Variants in DHTKD1 observed in about 807,000 individuals in gnomAD.
DHTKD1 encodes the protein 2-oxoadipate dehydrogenase complex component E1.
A neutral mutation model predicts 101.8 loss-of-function variants in DHTKD1; 78 were observed. The observed-to-expected ratio is 0.77, with a 90% CI of 0.64 to 0.93. The LOEUF is 0.93. Ranked by LOEUF, DHTKD1 falls within the 40% of genes least tolerant of loss-of-function variation. The pLI, the probability that DHTKD1 is intolerant of heterozygous loss-of-function variation, is 0.00. For missense variants in DHTKD1, 1,223 were observed against 1,161.7 expected (o/e 1.05, Z -0.77); for synonymous variants, 462 against 450.3 (o/e 1.03, Z -0.33).
chr10:12,106,116 C>T, intron 10 of DHTKD1, 130 bp from the exon 11 acceptor site: 1 of 984,936 alleles, frequency 1.0e-6, no homozygotes. Context: ...AACAAACAAA[C>T]AAAAAGAATG....
chr10:12,096,729 C>T (rs956095529), intron 7 of DHTKD1, among the ~76,000 whole-genome samples: 3 of 152,208 alleles, frequency 2.0e-5, no homozygotes, highest in Non-Finnish European at 2.9e-5. Flanking sequence ...TGTGAATAGA[C>T]TTTATAGTTG....
chr10:12,076,975 T>TAAAAAAA (rs61096299), intron 1 of DHTKD1, among the ~76,000 whole-genome samples: 1 of 61,816 alleles, frequency 1.6e-5, no homozygotes, highest in Non-Finnish European at 3.7e-5. Flanking sequence ...CTGTTTCTGA[T>TAAAAAAA]AAAAAAAAAA....
rs1832949455 is a variant in DHTKD1 at position 12,089,135 on chromosome 10, C to T, written c.867C>T (p.His289=). Residue 289 remains histidine, a synonymous_variant, in exon 5 of 17, where the codon CAC becomes CAT. Coordinates refer to ENST00000263035, the MANE Select transcript of DHTKD1 (RefSeq NM_018706.7). ...TGACAATGTTGCCCAATCCCTCGCACCTGGAGGCCGTCAACCCCGTGGCCG... is the reference window on the plus strand; with the variant it reads ...TGACAATGTTGCCCAATCCCTCGCATCTGGAGGCCGTCAACCCCGTGGCCG... ...LHVTMLPNPS[H]LEAVNPVAVG... is the part of the protein sequence containing the mutation. The T allele has an allele frequency of 1.9e-6, 3 of 1,614,206 alleles. No individual in the cohort carries two copies. The highest frequency in any genetic ancestry group is 1.7e-6 in the Non-Finnish European group (2 of 1,180,042).
At chr10:12,074,929 C>G (rs1832703210) in intron 1 of DHTKD1, among the ~76,000 whole-genome samples, 1 of 152,028 alleles carries the variant, frequency 6.6e-6, no homozygotes, top group South Asian at 2.1e-4. Context: ...AGTTCAAGAC[C>G]AGTCTGGCCA....
chr10:12,069,148 G>C lies in DHTKD1; in HGVS notation c.115G>C (p.Glu39Gln), dbSNP rs757691933. Residue 39 changes from glutamate (E) to glutamine (Q), a missense_variant, in exon 1 of 17, where the codon GAG becomes CAG. By Grantham distance (29) the Glu-to-Gln change is conservative. Transcript: ENST00000263035. ...TTACGGCTACCGGCCGAGGAAGCCC[G>C]AGAGCCGCGAGCCCCAGGGCGCCCT... The part of the protein sequence containing the change: ...GVYGYRPRKP[E>Q]SREPQGALER... 1 of 1,572,242 alleles carries C rather than the reference G, an allele frequency of 6.4e-7. No homozygotes were observed. The highest frequency in any genetic ancestry group is 8.6e-7 in the Non-Finnish European group (1 of 1,161,044).
chr10:12,117,132 A>G (rs1487854907), intron 13 of DHTKD1, among the ~76,000 whole-genome samples: 1 of 151,864 alleles, frequency 6.6e-6, no homozygotes, highest in African/African-American at 2.4e-5. Context: ...CCTCCTGAGT[A>G]GCTGGGATTA....
In DHTKD1 at chr10:12,086,946, C is replaced by G. The variant is rs1296427833; in HGVS notation, c.523-589C>G. Among the ~76,000 whole-genome samples, 3 of 152,138 alleles carry G rather than the reference C, an allele frequency of 2.0e-5. No individual in the cohort carries two copies. In the South Asian group the frequency reaches 6.2e-4, roughly 31 times the overall value. Reference sequence around the variant, plus strand: ...AAGTGATCCACCTGCCTTGGCCTCCCGAAGTGCTGGGATTACAGACGTGAA... The same window carrying G: ...AAGTGATCCACCTGCCTTGGCCTCCGGAAGTGCTGGGATTACAGACGTGAA... On this transcript the variant is annotated intron_variant, in intron 3 of 16. Coordinates refer to ENST00000263035, the MANE Select transcript of DHTKD1 (RefSeq NM_018706.7).
In DHTKD1 at chr10:12,089,256, G is replaced by A; in HGVS notation, c.987+1G>A. 1 of 1,611,858 alleles carries A rather than the reference G, an allele frequency of 6.2e-7. No individual in the cohort carries two copies. The highest frequency in any genetic ancestry group is 8.5e-7 in the Non-Finnish European group (1 of 1,178,494). On this transcript the variant is annotated splice_donor_variant, in intron 5 of 16. Coordinates refer to ENST00000263035, the MANE Select transcript of DHTKD1 (RefSeq NM_018706.7). LOFTEE classifies it high-confidence loss of function. ...GGGGGACAGGGTCATTTGCTTACAG[G>A]TACTTGGAGCTTCTGAAATTGAGGC...
intron 5 of DHTKD1, 123 bp downstream of exon 5, chr10:12,089,378 G>A (rs1832954710): frequency 1.0e-6 from 1 of 972,296 alleles, no homozygotes; most frequent in South Asian, 1.6e-5. Context: ...TTTGGAAAAA[G>A]ATTCTGGGAT....
chr10:12,117,547 A>T, intron 13 of DHTKD1, 126 bp from the exon 14 acceptor site: 2 of 678,270 alleles, frequency 2.9e-6, no homozygotes, highest in South Asian at 3.4e-5. Context: ...TGCGTCTATT[A>T]GGACATGGGT....
chr10:12,120,396 C>T (rs1362433334), intron 16 of DHTKD1, 129 bp downstream of exon 16: 4 of 750,410 alleles, frequency 5.3e-6, no homozygotes. Flanking sequence ...TGCAGTGGCG[C>T]AATCTCAGCT....
At chr10:12,114,819 G>A (rs1220213307) in intron 13 of DHTKD1, among the ~76,000 whole-genome samples, 1 of 151,926 alleles carries the variant, frequency 6.6e-6, no homozygotes, top group South Asian at 2.1e-4. Flanking sequence ...TTTTTGAGAC[G>A]GAGTCTCGCT....
At chr10:12,098,128 T>C in intron 8 of DHTKD1, 132 bp downstream of exon 8, 1 of 816,446 alleles carries the variant, frequency 1.2e-6, no homozygotes, top group Non-Finnish European at 1.9e-6. Context: ...TTCTAGAAAC[T>C]GATCCTAGTG....
At position 12,113,022 on chromosome 10, in the gene DHTKD1, AC is replaced by A; in HGVS notation, c.2279del (p.Pro760HisfsTer58). 6.2e-7 allele frequency: 1 copy of A among 1,613,222 alleles called. No individual in the cohort carries two copies. The highest frequency in any genetic ancestry group is 8.5e-7 in the Non-Finnish European group (1 of 1,179,652). ...GACAGATGGTCCGGAACTTCAGAAA[AC>A]CACTCATTGTTGCTTCCCCTAAGAT... ...RRQMVRNFRK[P>X]LIVASPKMLL... On this transcript the variant is annotated frameshift_variant, in exon 13 of 17. Transcript: ENST00000263035. LOFTEE classifies it high-confidence loss of function.
At chr10:12,096,274 C>G (rs113098937) in intron 7 of DHTKD1, among the ~76,000 whole-genome samples, 1 of 152,148 alleles carries the variant, frequency 6.6e-6, no homozygotes, top group African/African-American at 2.4e-5. Flanking sequence ...GTTTTATGAG[C>G]GTTTCTGATC....
chr10:12,106,239 G>A lies in DHTKD1; in HGVS notation c.1897-7G>A. 2 of 1,614,090 alleles carry A rather than the reference G, an allele frequency of 1.2e-6. No individual in the cohort carries two copies. The highest frequency in any genetic ancestry group is 1.6e-4 in the Middle Eastern group (1 of 6,062). The stretch of plus-strand genomic sequence containing the variant: ...ATGCAGCGTTTCCTTCTCTTCTCTG[G>A]GATTAGGTCAGCAACAGCCCACTGT... On this transcript the variant is annotated splice_region_variant and splice_polypyrimidine_tract_variant and intron_variant, in intron 10 of 16. Transcript: ENST00000263035.
In DHTKD1 at chr10:12,097,882, C is replaced by T. The variant is rs759650263; in HGVS notation, c.1557C>T (p.Ile519=). 3 of 1,614,224 alleles carry T rather than the reference C, an allele frequency of 1.9e-6. No individual in the cohort carries two copies. The South Asian group carries it at 3.3e-5, about 18-fold the overall frequency. The change falls in exon 8 of 17, where the codon ATC becomes ATT. Residue 519 remains isoleucine (I), a synonymous_variant. Transcript: ENST00000263035. ...GCCTGGCTCAGCCAGAAGCGCAAAT[C>T]ACCACCTGGAGTACAGGTGTGCCCC... ...WQGLAQPEAQ[I]TTWSTGVPLD... is the part of the protein sequence containing the mutation.
At chr10:12,083,056 G>C (rs1832847411) in intron 2 of DHTKD1, among the ~76,000 whole-genome samples, 1 of 151,460 alleles carries the variant, frequency 6.6e-6, no homozygotes. Flanking sequence ...CAAAAAAAAG[G>C]AGCATCTAAT....
At position 12,097,690 on chromosome 10, in the gene DHTKD1, A is replaced by G. The variant is rs1833092436; in HGVS notation, c.1365A>G (p.Arg455=). Residue 455 remains arginine, a synonymous_variant, in exon 8 of 17, where the codon CGA becomes CGG. Coordinates refer to ENST00000263035, the MANE Select transcript of DHTKD1 (RefSeq NM_018706.7). ...TCTTCTCTTTCTTGGGCAGAGCTCGAAAGAGCATTCCAGACACATATGCAG... is the reference window on the plus strand; with the variant it reads ...TCTTCTCTTTCTTGGGCAGAGCTCGGAAGAGCATTCCAGACACATATGCAG... The part of the protein sequence containing the change: ...NPIMYKIIRA[R]KSIPDTYAEH... The G allele has an allele frequency of 6.2e-7, 1 of 1,609,786 alleles. No homozygotes were observed. The highest frequency in any genetic ancestry group is 1.3e-5 in the African/African-American group (1 of 74,892).
Sources: allele counts gnomAD v4.1 joint callset (sites outside exome capture counted in the v4.1 genomes callset), GRCh38; gene constraint gnomAD v4.1.1; transcripts MANE v1.5; gene names NCBI Gene and HGNC (gene_info 2026-07-23, HGNC 2026-07-21).